ANKRA2: variants seen among roughly 807,000 people sequenced by gnomAD.
ANKRA2 encodes ankyrin repeat family A member 2, also known as ankyrin repeat family A protein 2.
ANKRA2 carries 33 observed loss-of-function variants against 37.8 expected under a neutral mutation model. The ratio of observed to expected loss-of-function variants is 0.87; its 90% CI spans 0.66 to 1.17. The LOEUF (loss-of-function observed/expected upper bound fraction) is 1.17. Among genes scored for constraint, ANKRA2 ranks in the 50% most tolerant of loss-of-function variants. The probability of loss-of-function intolerance (pLI) is 0.00; values close to 1 mark genes in which losing one functional copy is unlikely to be tolerated. For missense variants in ANKRA2, 326 were observed against 373.7 expected, an observed-to-expected ratio of 0.87 and a Z score of 1.05; for synonymous variants, 126 against 132.3, an observed-to-expected ratio of 0.95 and a Z score of 0.33.
intron 6 of ANKRA2, 90 bp from the exon 7 acceptor site, chr5:73,554,478 A>T: frequency 1.2e-6 from 1 of 826,408 alleles, no homozygotes; most frequent in Non-Finnish European, 2.0e-6. Flanking sequence ...CTAGAATTAG[A>T]CATATAATCA....
intron 3 of ANKRA2, 114 bp downstream of exon 3, chr5:73,561,016 A>G (rs1647121911): frequency 2.7e-6 from 3 of 1,122,456 alleles, no homozygotes; most frequent in African/African-American, 3.2e-5. Flanking sequence ...ATTGTGTAGT[A>G]TAACACATTT....
chr5:73,563,017 T>C, intron 1 of ANKRA2, 32 bp from the exon 2 acceptor site: 2 of 788,036 alleles, frequency 2.5e-6, no homozygotes, highest in Non-Finnish European at 3.9e-6. Context: ...TTAAAAGTAT[T>C]CTATCAGCTT....
intron 7 of ANKRA2, 82 bp from the exon 8 acceptor site, chr5:73,553,568 G>A (rs1747307976): frequency 3.4e-6 from 4 of 1,183,666 alleles, no homozygotes; most frequent in Admixed American, 1.9e-5. Flanking sequence ...ACAAATAGCT[G>A]GAGAGATTTT....
Position 73,561,127 on chromosome 5 carries a change from T to TA in ANKRA2, c.448+2dup, listed in dbSNP as rs1370645605. ...TAGTAATACATCAGTGGCAAATACT[T>TA]ACAATTTGCTAACAGAGGTGTGGTA... On this transcript the variant is annotated splice_region_variant and intron_variant, in intron 3 of 8. Coordinates refer to ENST00000296785, the MANE Select transcript of ANKRA2 (RefSeq NM_023039.5). 4 of 1,606,678 alleles carry TA rather than the reference T, an allele frequency of 2.5e-6. No homozygotes were observed. Among genetic ancestry groups the TA allele is most frequent in the East Asian group, 2.2e-5 (1 of 44,810 alleles).
At chr5:73,555,276 G>A in intron 5 of ANKRA2, 1 of 1,197,508 alleles carries the variant, frequency 8.4e-7, no homozygotes, top group Non-Finnish European at 1.1e-6. Context: ...GTGGGATGTA[G>A]AGGGGTCTGG....
At chr5:73,557,411 CTTTTTTTT>C (rs80067963) in intron 4 of ANKRA2, 156 bp downstream of exon 4, 4,265 of 191,762 alleles carry the variant, frequency 0.022, 4 homozygotes, top group East Asian at 0.052. Context: ...CTTTATATTC[CTTTTTTTT>C]TTTTTTTTTT....
intron 1 of ANKRA2, among the ~76,000 whole-genome samples, chr5:73,564,289 C>T (rs1180974186): frequency 1.3e-5 from 2 of 152,172 alleles, no homozygotes; most frequent in Admixed American, 1.3e-4. Flanking sequence ...ACCATCTCCC[C>T]CTTTCTCCTA....
At chr5:73,565,105 G>C (rs547072699) in intron 1 of ANKRA2, 27 bp downstream of exon 1, 2 of 152,174 alleles carry the variant, frequency 1.3e-5, no homozygotes, top group African/African-American at 2.4e-5. Context: ...GGAGAGGAAG[G>C]TGCTATGAAA....
intron 1 of ANKRA2, among the ~76,000 whole-genome samples, 197 bp downstream of exon 1, chr5:73,564,935 G>T (rs1399937862): frequency 6.6e-6 from 1 of 152,070 alleles, no homozygotes; most frequent in Non-Finnish European, 1.5e-5. Context: ...TGAGAAAAAG[G>T]GGGTAAGGCA....
At chr5:73,560,597 G>A (rs907403218) in intron 3 of ANKRA2, among the ~76,000 whole-genome samples, 4 of 151,938 alleles carry the variant, frequency 2.6e-5, no homozygotes, top group Admixed American at 1.3e-4. Flanking sequence ...TGTTGCCCTG[G>A]CCAGTCTCGA....
At chr5:73,557,403 T>G in intron 4 of ANKRA2, 172 bp downstream of exon 4, 2 of 382,796 alleles carry the variant, frequency 5.2e-6, no homozygotes, top group Non-Finnish European at 4.5e-6. Flanking sequence ...CTTTTACGCT[T>G]TATATTCCTT....
rs1747699547 is a variant in ANKRA2, at chr5:73,565,265, G to C, written c.-238C>G. 1 of 152,568 alleles carries C rather than the reference G, an allele frequency of 6.6e-6. No individual in the cohort carries two copies. The highest frequency in any genetic ancestry group is 6.5e-5 in the Admixed American group (1 of 15,342). 9.5% of individuals were successfully genotyped at this position (152,568 alleles called of 1,614,324 possible). ...CGAAAAGTCCCAGGAAGAAACTCTC[G>C]CTCATCCGCGGCGAGCGGATCCCGG... On this transcript the variant is annotated 5_prime_UTR_variant, in exon 1 of 9. Transcript: ENST00000296785.
chr5:73,562,083 C>T (rs1747571992), intron 2 of ANKRA2, among the ~76,000 whole-genome samples: 2 of 152,112 alleles, frequency 1.3e-5, no homozygotes, highest in Admixed American at 6.5e-5. Flanking sequence ...GTGGCACAGT[C>T]TTAGCTCACT....
At chr5:73,554,293 T>A (rs1351891854) in intron 7 of ANKRA2, 29 bp downstream of exon 7, 1 of 1,596,746 alleles carries the variant, frequency 6.3e-7, no homozygotes, top group Admixed American at 1.7e-5. Flanking sequence ...AGTCCTCACA[T>A]GGCATTTTCT....
intron 7 of ANKRA2, 110 bp from the exon 8 acceptor site, chr5:73,553,596 T>C: frequency 1.1e-6 from 1 of 928,000 alleles, no homozygotes; most frequent in Non-Finnish European, 1.7e-6. Flanking sequence ...GGAGAATGTT[T>C]TAGGATAGTC....
chr5:73,555,381 T>C (rs1048017356), intron 5 of ANKRA2, 107 bp downstream of exon 5: 1 of 1,480,546 alleles, frequency 6.8e-7, no homozygotes, highest in African/African-American at 1.4e-5. Context: ...TTAAACTTTT[T>C]TTGGTAGCCT....
In ANKRA2 at chr5:73,562,771, G is replaced by A. The variant is rs149372439; in HGVS notation, c.111C>T (p.Asp37=). Residue 37 remains aspartate, a synonymous_variant, in exon 2 of 9, where the codon GAC becomes GAT. Transcript: ENST00000296785. The part of the protein sequence containing the change: ...MPDIKIEHPL[D]PNSEEGSAQG... ...GAGCTGACCCTTCTTCTGAATTTGG[G>A]TCCAGTGGATGTTCTATTTTAATGT... 2.1e-4 allele frequency: 347 copies of A among 1,614,118 alleles called. 4 individuals are homozygous for A. Among genetic ancestry groups the A allele is most frequent in the South Asian group, 8.3e-4 (76 of 91,084 alleles).
Position 73,561,172 on chromosome 5 carries a change from G to A in ANKRA2, c.406C>T (p.His136Tyr). ...GTGGTAGAGACCTCATTTCCTCTGT[G>A]TTTGTTGGTTAAAGTGGTTGACTGT... ...IKQSTTLTNK[H>Y]RGNEVSTTPL... is the part of the protein sequence containing the mutation. The change falls in exon 3 of 9, where the codon CAC (histidine) becomes TAC (tyrosine). Residue 136 changes from histidine to tyrosine, a missense_variant. By Grantham distance (83) the His-to-Tyr change is moderately conservative (BLOSUM62 2). This residue lies in a region of ANKRA2 where 228 missense variants were observed against 260.2 expected (regional missense o/e 0.88). Coordinates refer to ENST00000296785, the MANE Select transcript of ANKRA2 (RefSeq NM_023039.5). 6.2e-7 allele frequency: 1 copy of A among 1,614,018 alleles called. No homozygotes were observed. Among genetic ancestry groups the A allele is most frequent in the Non-Finnish European group, 8.5e-7 (1 of 1,179,948 alleles).
chr5:73,555,549 G>C lies in ANKRA2; in HGVS notation c.551C>G (p.Thr184Ser), dbSNP rs748510138. 6.2e-7 allele frequency: 1 copy of C among 1,614,010 alleles called. No individual in the cohort carries two copies. The highest frequency in any genetic ancestry group is 1.1e-5 in the South Asian group (1 of 91,080). The change falls in exon 5 of 9, where the codon ACT becomes AGT. Residue 184 changes from threonine (T) to serine (S), a missense_variant. Transcript: ENST00000296785. Reference sequence around the variant, plus strand: ...GTGTGCTGCAGCCCACATCAGAGGAGTAAATCCTTCTTCATCCGTGTGATT... The same window carrying C: ...GTGTGCTGCAGCCCACATCAGAGGACTAAATCCTTCTTCATCCGTGTGATT... Reference protein sequence around the residue: ...VINHTDEEGFTPLMWAAAHGQ... With the variant: ...VINHTDEEGFSPLMWAAAHGQ...
Sources: gnomAD v4.1 joint callset for allele counts (sites outside exome capture counted in the v4.1 genomes callset) on GRCh38, gnomAD v4.1.1 for gene constraint, gnomAD v4.1.1 regional missense constraint, MANE v1.5 for transcripts, NCBI Gene and HGNC (gene_info 2026-07-23, HGNC 2026-07-21) for gene names.